The following PCDHA4 variants were observed in gnomAD, a reference collection of about 807,000 sequenced individuals.
PCDHA4 encodes protocadherin alpha 4, also known as protocadherin alpha-4.
PCDHA4 carries 49 observed loss-of-function variants against 61.4 expected under a neutral mutation model. That is an observed-to-expected ratio of 0.80 (90% CI 0.63 to 1.01). PCDHA4 has a LOEUF of 1.01. Among genes scored for constraint, PCDHA4 ranks in the 50% least tolerant of loss-of-function variants. The pLI, the probability that PCDHA4 is intolerant of heterozygous loss-of-function variation, is 0.00. For missense variants in PCDHA4, 1,254 were observed against 1,235.8 expected (o/e 1.01, Z -0.22); for synonymous variants, 590 against 550.3 (o/e 1.07, Z -1.01).
At chr5:140,982,030 C>G (rs2096963361) in intron 2 of PCDHA4, among the ~76,000 whole-genome samples, 1 of 152,196 alleles carries the variant, frequency 6.6e-6, no homozygotes, top group South Asian at 2.1e-4. Flanking sequence ...TGGAACAATA[C>G]TCCAATTATC....
intron 1 of PCDHA4, chr5:140,868,179 A>G (rs1220525883): frequency 1.3e-5 from 2 of 152,152 alleles, no homozygotes; most frequent in African/African-American, 2.4e-5. Context: ...GATATCTCAT[A>G]TTATGCTACT....
rs545473160 is a variant in PCDHA4 at position 140,873,172 on chromosome 5, G to C, written c.2385+63600G>C. ...CATAGACTTTAGATCGAGAGCTTTT[G>C]TATCATAATATTCATTGGCTAAAAA... On this transcript the variant is annotated intron_variant, in intron 1 of 3. Transcript: ENST00000530339. 2.6e-5 allele frequency among the ~76,000 whole-genome samples: 4 copies of C among 152,084 alleles called. No individual in the cohort carries two copies. In the South Asian group the frequency reaches 8.3e-4, roughly 32 times the overall value.
At chr5:140,829,309 G>C (rs2150165707) in intron 1 of PCDHA4, 8 of 1,614,134 alleles carry the variant, frequency 5.0e-6, no homozygotes, top group Non-Finnish European at 6.8e-6. Flanking sequence ...ATTACTACTC[G>C]TTGGTGCTGG....
In PCDHA4 at chr5:140,835,742, G is replaced by A. The variant is rs2150243786; in HGVS notation, c.2385+26170G>A. On this transcript the variant is annotated intron_variant, in intron 1 of 3. Coordinates refer to ENST00000530339, the MANE Select transcript of PCDHA4 (RefSeq NM_018907.4). ...TGGCCGACGTGAACGACAACGCCCC[G>A]GCGTTCGCGCAGCCCGAGTATACGG... 1.8e-5 allele frequency: 29 copies of A among 1,613,552 alleles called. 1 individual carries two copies. The highest frequency in any genetic ancestry group is 2.4e-5 in the Non-Finnish European group (28 of 1,179,844).
In PCDHA4 at chr5:140,834,452, T is replaced by C. The variant is rs2150218542; in HGVS notation, c.2385+24880T>C. On this transcript the variant is annotated intron_variant, in intron 1 of 3. Coordinates refer to ENST00000530339, the MANE Select transcript of PCDHA4 (RefSeq NM_018907.4). ...TGCTGTTTATTATAATTCTAGCAGC[T>C]TGGGAGGCAGGGAGAGGCCAGCTCC... 1.4e-4 allele frequency: 225 copies of C among 1,593,388 alleles called. 2 individuals are homozygous for C. The South Asian group carries it at 2.5e-3, about 18-fold the overall frequency.
chr5:140,938,237 T>A (rs1287300526), intron 1 of PCDHA4, among the ~76,000 whole-genome samples: 1 of 152,208 alleles, frequency 6.6e-6, no homozygotes, highest in African/African-American at 2.4e-5. Context: ...TAGGCCACCA[T>A]GCCTGGTCTT....
chr5:140,888,047 G>C (rs1246901863), intron 1 of PCDHA4, among the ~76,000 whole-genome samples: 12 of 152,092 alleles, frequency 7.9e-5, no homozygotes, highest in African/African-American at 2.9e-4. Flanking sequence ...ATGTATAATA[G>C]ATGTTTTAAC....
At chr5:140,901,439 A>G (rs2068668793) in intron 1 of PCDHA4, among the ~76,000 whole-genome samples, 1 of 152,164 alleles carries the variant, frequency 6.6e-6, no homozygotes, top group South Asian at 2.1e-4. Flanking sequence ...ATGGATATCT[A>G]GTTTCCCAGC....
At chr5:140,956,784 G>T (rs549737881) in intron 1 of PCDHA4, among the ~76,000 whole-genome samples, 373 of 152,090 alleles carry the variant, frequency 2.5e-3, no homozygotes, top group Non-Finnish European at 3.7e-3. Flanking sequence ...CCTGGGCTTT[G>T]TTTGCTTGGT....
chr5:140,872,075 C>T (rs1452265862), intron 1 of PCDHA4, among the ~76,000 whole-genome samples: 1 of 152,234 alleles, frequency 6.6e-6, no homozygotes, highest in Non-Finnish European at 1.5e-5. Flanking sequence ...GCTGGGAATG[C>T]AGTGCCACTG....
intron 1 of PCDHA4, chr5:140,869,913 C>A (rs782111162): frequency 6.2e-7 from 1 of 1,610,636 alleles, no homozygotes; most frequent in African/African-American, 1.3e-5. Flanking sequence ...CAGACCGAGA[C>A]GAAGGAGTCA....
intron 1 of PCDHA4, among the ~76,000 whole-genome samples, chr5:140,933,464 A>G (rs1257783133): frequency 1.3e-5 from 2 of 152,074 alleles, no homozygotes; most frequent in African/African-American, 4.8e-5. Flanking sequence ...TATACTCTGA[A>G]TTCAAACACA....
intron 1 of PCDHA4, chr5:140,835,489 T>A: frequency 1.2e-6 from 2 of 1,613,950 alleles, no homozygotes; most frequent in Non-Finnish European, 1.7e-6. Context: ...GGTACCGTCA[T>A]CACATTGATT....
intron 1 of PCDHA4, chr5:140,857,005 A>C: frequency 6.3e-7 from 1 of 1,595,528 alleles, no homozygotes; most frequent in East Asian, 2.2e-5. Context: ...AAATTCATGT[A>C]GATGTTACAG....
At chr5:140,824,253 T>C in intron 1 of PCDHA4, 2 of 1,382,282 alleles carry the variant, frequency 1.4e-6, no homozygotes, top group South Asian at 1.3e-5. Flanking sequence ...TACACAATTA[T>C]TGCACTAATT....
chr5:140,928,788 G>A, intron 1 of PCDHA4: 1 of 1,614,214 alleles, frequency 6.2e-7, no homozygotes, highest in South Asian at 1.1e-5. Flanking sequence ...CAGTTAAGCA[G>A]AGGGTGGTGG....
At chr5:140,854,731 T>A (rs536045745) in intron 1 of PCDHA4, 2 of 150,048 alleles carry the variant, frequency 1.3e-5, no homozygotes, top group Admixed American at 1.3e-4. Flanking sequence ...TCAAGTTTTT[T>A]TCAGCAGCAC....
intron 1 of PCDHA4, chr5:140,857,828 C>G (rs781917564): frequency 6.3e-7 from 1 of 1,597,660 alleles, no homozygotes; most frequent in South Asian, 1.1e-5. Flanking sequence ...GGCTAAGGTG[C>G]GCGCAGTGGA....
chr5:140,869,030 T>C (rs1049032233), intron 1 of PCDHA4: 5 of 1,526,396 alleles, frequency 3.3e-6, no homozygotes, highest in Non-Finnish European at 4.4e-6. Flanking sequence ...TTCAACGAGA[T>C]TTTTAACCTG....
Sources: gnomAD v4.1 joint callset for allele counts (sites outside exome capture counted in the v4.1 genomes callset) on GRCh38, gnomAD v4.1.1 for gene constraint, MANE v1.5 for transcripts, NCBI Gene and HGNC (gene_info 2026-07-23, HGNC 2026-07-21) for gene names.